Variants in DTNBP1 observed in about 807,000 individuals in gnomAD.
The protein encoded by DTNBP1 is dystrobrevin binding protein 1, also known as dysbindin.
DTNBP1 carries 35 observed loss-of-function variants against 42.8 expected under a neutral mutation model. The ratio of observed to expected loss-of-function variants is 0.82; its 90% CI spans 0.63 to 1.09. DTNBP1 has a LOEUF of 1.09. DTNBP1 is among the 50% of genes least tolerant of loss of function. DTNBP1 has a pLI of 0.00. For synonymous variants in DTNBP1, 171 were observed against 162.2 expected, an observed-to-expected ratio of 1.05 and a Z score of -0.41; for missense variants, 457 against 424.2, an observed-to-expected ratio of 1.08 and a Z score of -0.68.
intron 1 of DTNBP1, among the ~76,000 whole-genome samples, chr6:15,653,787 C>T (rs1276366683): frequency 6.6e-6 from 1 of 152,236 alleles, no homozygotes; most frequent in African/African-American, 2.4e-5. Flanking sequence ...CACAGTACTA[C>T]TGCTAGCCCC....
rs1308334216 is a variant in DTNBP1 at position 15,547,933 on chromosome 6, T to TA, written c.512-14539dup. Reference sequence around the variant, plus strand: ...AAATTATATTTGTATTCAAAGCTAATAGACAAAACTCTGGCAAATAAAAAT... The same window carrying TA: ...AAATTATATTTGTATTCAAAGCTAATAAGACAAAACTCTGGCAAATAAAAAT... On this transcript the variant is annotated intron_variant, in intron 7 of 9. Coordinates refer to ENST00000344537, the MANE Select transcript of DTNBP1 (RefSeq NM_032122.5). Among the ~76,000 whole-genome samples the TA allele has an allele frequency of 7.2e-5, 11 of 152,258 alleles. No individual in the cohort carries two copies. In the East Asian group the frequency reaches 2.1e-3, roughly 29 times the overall value.
chr6:15,573,930 C>T (rs1358932700), intron 7 of DTNBP1, among the ~76,000 whole-genome samples: 2 of 152,182 alleles, frequency 1.3e-5, no homozygotes, highest in African/African-American at 4.8e-5. Context: ...TGGTCTTCAA[C>T]TCCTGACCTC....
intron 6 of DTNBP1, among the ~76,000 whole-genome samples, chr6:15,605,541 A>G (rs1375254622): frequency 8.5e-5 from 13 of 152,104 alleles, no homozygotes. Flanking sequence ...TGAGGTTTAT[A>G]TTATTGTCTG....
chr6:15,653,635 A>C (rs936271804), intron 1 of DTNBP1, among the ~76,000 whole-genome samples: 2 of 152,154 alleles, frequency 1.3e-5, no homozygotes, highest in Admixed American at 6.5e-5. Context: ...TTGGCTGTGG[A>C]CTCTGTTACA....
chr6:15,607,538 A>G (rs905686184), intron 6 of DTNBP1, among the ~76,000 whole-genome samples: 1 of 151,998 alleles, frequency 6.6e-6, no homozygotes, highest in Non-Finnish European at 1.5e-5. Context: ...CTGACCTCAC[A>G]TGATCTGCCC....
chr6:15,536,452 G>T (rs1015143391), intron 7 of DTNBP1, among the ~76,000 whole-genome samples: 3 of 152,236 alleles, frequency 2.0e-5, no homozygotes, highest in Non-Finnish European at 4.4e-5. Context: ...GCTAAAAGGG[G>T]CCAAGGTACA....
In DTNBP1 at chr6:15,651,352, A is replaced by T. The variant is rs1760981072; in HGVS notation, c.122T>A (p.Phe41Tyr). 6.2e-7 allele frequency: 1 copy of T among 1,611,922 alleles called. No individual in the cohort carries two copies. The change falls in exon 3 of 10, where the codon TTT becomes TAT. Residue 41 changes from phenylalanine (F) to tyrosine (Y), a missense_variant. Phe to Tyr is a conservative substitution (Grantham distance 22). Transcript: ENST00000344537. ...TAATCCAGCAGAGTACTTTGGCAAA[A>T]ATGGAACAGTCCTGCCCAAAAGAAA... ...KVKSKPRTVP[F>Y]LPKYSAGLEL... is the part of the protein sequence containing the mutation.
intron 7 of DTNBP1, among the ~76,000 whole-genome samples, chr6:15,583,676 T>C (rs913889274): frequency 2.6e-5 from 4 of 152,238 alleles, no homozygotes; most frequent in Non-Finnish European, 5.9e-5. Context: ...AGTTATACCA[T>C]GTTCCAGCAA....
At chr6:15,546,100 C>CT (rs1773862482) in intron 7 of DTNBP1, 1 of 395,332 alleles carries the variant, frequency 2.5e-6, no homozygotes, top group Non-Finnish European at 4.9e-6. Flanking sequence ...GAGTCTTGCT[C>CT]TGTTGCCCAG....
intron 7 of DTNBP1, among the ~76,000 whole-genome samples, chr6:15,584,795 A>G (rs1021942138): frequency 6.7e-5 from 10 of 148,300 alleles, no homozygotes; most frequent in African/African-American, 2.5e-4. Context: ...ACGTATGCCA[A>G]CTAAAAGAAA....
At chr6:15,617,994 CT>C (rs1758812206) in intron 5 of DTNBP1, among the ~76,000 whole-genome samples, 1 of 152,036 alleles carries the variant, frequency 6.6e-6, no homozygotes, top group South Asian at 2.1e-4. Flanking sequence ...GATTAATATC[CT>C]TTCCTTTGAA....
At chr6:15,646,025 T>C (rs1349078888) in intron 3 of DTNBP1, among the ~76,000 whole-genome samples, 1 of 151,850 alleles carries the variant, frequency 6.6e-6, no homozygotes, top group Non-Finnish European at 1.5e-5. Context: ...GACAACATGA[T>C]TACATACCCA....
intron 3 of DTNBP1, among the ~76,000 whole-genome samples, chr6:15,646,258 G>GACAC (rs58643392): frequency 2.5e-3 from 366 of 149,096 alleles, no homozygotes; most frequent in African/African-American, 8.2e-3. Context: ...ATTTACAATA[G>GACAC]ACACACACAC....
chr6:15,657,440 C>T (rs566540254), intron 1 of DTNBP1, among the ~76,000 whole-genome samples: 1 of 152,272 alleles, frequency 6.6e-6, no homozygotes, highest in Non-Finnish European at 1.5e-5. Flanking sequence ...ACATCTATTC[C>T]CTCCTTTAAA....
At chr6:15,609,953 G>A (rs1581389488) in intron 6 of DTNBP1, among the ~76,000 whole-genome samples, 1 of 152,328 alleles carries the variant, frequency 6.6e-6, no homozygotes, top group Middle Eastern at 3.4e-3. Context: ...CTTCCGCACA[G>A]GGGATGTGAG....
In DTNBP1 at chr6:15,599,737, T is replaced by A. The variant is rs560159462; in HGVS notation, c.489-6656A>T. On this transcript the variant is annotated intron_variant, in intron 6 of 9. Coordinates refer to ENST00000344537, the MANE Select transcript of DTNBP1 (RefSeq NM_032122.5). Reference sequence around the variant, plus strand: ...AAAATAAGCCTGCAAAAAACACTTTTATTTTCACTGGTGTACTAGTGTTTA... The same window carrying A: ...AAAATAAGCCTGCAAAAAACACTTTAATTTTCACTGGTGTACTAGTGTTTA... Among the ~76,000 whole-genome samples the A allele has an allele frequency of 4.9e-4, 75 of 152,342 alleles. 1 individual carries two copies. The highest frequency in any genetic ancestry group is 8.5e-4 in the Admixed American group (13 of 15,306).
At chr6:15,523,583 T>G in intron 9 of DTNBP1, 1 of 1,279,364 alleles carries the variant, frequency 7.8e-7, no homozygotes. Flanking sequence ...TTTTACCCTT[T>G]GCAGTAATTC....
intron 5 of DTNBP1, among the ~76,000 whole-genome samples, chr6:15,619,140 G>C (rs1358358647): frequency 2.0e-5 from 3 of 152,124 alleles, no homozygotes; most frequent in African/African-American, 7.2e-5. Context: ...GGAAGAATAA[G>C]TTCTAGTATT....
At chr6:15,524,314 T>C (rs1310220834) in intron 9 of DTNBP1, 7 of 1,611,144 alleles carry the variant, frequency 4.3e-6, no homozygotes, top group Middle Eastern at 2.1e-4. Flanking sequence ...GTGGAGCATG[T>C]CAAATCTTTG....
Sources: allele counts gnomAD v4.1 joint callset (sites outside exome capture counted in the v4.1 genomes callset), GRCh38; gene constraint gnomAD v4.1.1; transcripts MANE v1.5; gene names NCBI Gene and HGNC (gene_info 2026-07-23, HGNC 2026-07-21).